The following CTNND2 variants were observed in gnomAD, a reference collection of about 807,000 sequenced individuals.
CTNND2 encodes catenin delta-2.
A neutral mutation model predicts 144.4 loss-of-function variants in CTNND2; 22 were observed. The observed-to-expected ratio is 0.15, with a 90% CI of 0.11 to 0.22. CTNND2 has a LOEUF of 0.22. Ranked by LOEUF, CTNND2 falls within the 10% of genes least tolerant of loss-of-function variation. CTNND2 has a pLI of 1.00. For synonymous variants in CTNND2, 751 were observed against 695.6 expected, an observed-to-expected ratio of 1.08 and a Z score of -1.25; for missense variants, 1,353 against 1,618.8, an observed-to-expected ratio of 0.84 and a Z score of 2.82.
chr5:11,003,408 C>G (rs572926076), intron 18 of CTNND2, among the ~76,000 whole-genome samples: 5 of 152,250 alleles, frequency 3.3e-5, no homozygotes, highest in African/African-American at 9.6e-5. Flanking sequence ...GTATCAGAAG[C>G]CTGATTGTTC....
intron 21 of CTNND2, among the ~76,000 whole-genome samples, chr5:10,977,694 C>G (rs1346117289): frequency 6.6e-6 from 1 of 152,228 alleles, no homozygotes; most frequent in African/African-American, 2.4e-5. Flanking sequence ...CTCAAGCGAT[C>G]TGCCTGCCTC....
At chr5:11,544,182 CT>C (rs35642044) in intron 3 of CTNND2, among the ~76,000 whole-genome samples, 5 of 145,866 alleles carry the variant, frequency 3.4e-5, no homozygotes, top group South Asian at 2.2e-4. Flanking sequence ...TTTTTTTTTT[CT>C]TTTTTTTTTG....
chr5:11,084,911 C>A (rs371280968), intron 15 of CTNND2, among the ~76,000 whole-genome samples: 1 of 151,932 alleles, frequency 6.6e-6, no homozygotes, highest in South Asian at 2.1e-4. Context: ...GACATTATAC[C>A]CCCTCTACCA....
At chr5:11,801,471 T>A (rs1031672555) in intron 1 of CTNND2, among the ~76,000 whole-genome samples, 1 of 152,212 alleles carries the variant, frequency 6.6e-6, no homozygotes, top group Non-Finnish European at 1.5e-5. Flanking sequence ...CAGAGATGTG[T>A]AAAGGCAACA....
At chr5:11,684,713 T>C (rs1016459064) in intron 2 of CTNND2, among the ~76,000 whole-genome samples, 13 of 152,212 alleles carry the variant, frequency 8.5e-5, no homozygotes, top group Non-Finnish European at 1.8e-4. Context: ...TTTACTATAG[T>C]ACTCTGTTAG....
At chr5:11,560,265 G>T (rs779362903) in intron 3 of CTNND2, among the ~76,000 whole-genome samples, 1 of 152,114 alleles carries the variant, frequency 6.6e-6, no homozygotes, top group Non-Finnish European at 1.5e-5. Context: ...TAAGAGTTAT[G>T]TGTCATTTAG....
rs187998496 is a variant in CTNND2 at position 11,296,422 on chromosome 5, C to T, written c.1628+49950G>A. Among the ~76,000 whole-genome samples the T allele has an allele frequency of 3.1e-3, 474 of 152,078 alleles. 1 individual carries two copies. Among genetic ancestry groups the T allele is most frequent in the African/African-American group, 9.4e-3 (392 of 41,502 alleles). ...AGTTCAACCATTGTGGAAGTCAGTG[C>T]GGCAATTCCTCAGTGATCTAGAACT... On this transcript the variant is annotated intron_variant, in intron 9 of 21. Transcript: ENST00000304623.
chr5:11,061,744 T>TTTAGACAAA (rs1747006626), intron 16 of CTNND2, among the ~76,000 whole-genome samples: 4 of 152,160 alleles, frequency 2.6e-5, no homozygotes, highest in Admixed American at 2.6e-4. Flanking sequence ...GTTTTGTTCT[T>TTTAGACAAA]GTCACCTAGG....
chr5:11,637,193 A>T (rs1051795588), intron 2 of CTNND2, among the ~76,000 whole-genome samples: 1 of 152,212 alleles, frequency 6.6e-6, no homozygotes, highest in Non-Finnish European at 1.5e-5. Context: ...GTCTATTTCT[A>T]AACGCCCACT....
chr5:11,125,866 G>A (rs1424670706), intron 12 of CTNND2, among the ~76,000 whole-genome samples: 2 of 152,160 alleles, frequency 1.3e-5, no homozygotes, highest in Non-Finnish European at 2.9e-5. Flanking sequence ...TTTTCCACTC[G>A]TATTAATGAA....
intron 3 of CTNND2, among the ~76,000 whole-genome samples, chr5:11,509,034 T>TA (rs1432592301): frequency 6.6e-6 from 1 of 152,216 alleles, no homozygotes; most frequent in Non-Finnish European, 1.5e-5. Context: ...GGGACTTTAA[T>TA]AAGATGTTAA....
intron 11 of CTNND2, among the ~76,000 whole-genome samples, chr5:11,186,725 T>C (rs1735667417): frequency 6.6e-6 from 1 of 152,216 alleles, no homozygotes; most frequent in Admixed American, 6.5e-5. Flanking sequence ...ATTCCCAAGC[T>C]ATTATCGTGA....
Position 11,065,771 on chromosome 5 carries a change from G to C in CTNND2, c.2788+16925C>G, listed in dbSNP as rs186862399. On this transcript the variant is annotated intron_variant, in intron 16 of 21. Coordinates refer to ENST00000304623, the MANE Select transcript of CTNND2 (RefSeq NM_001332.4). ...TGGCATAACATTATGTGACAAAGAA[G>C]AAAGTCAAAATATTTTACCCCAAAA... Among the ~76,000 whole-genome samples the C allele has an allele frequency of 1.1e-3, 167 of 152,266 alleles. 1 individual carries two copies. The highest frequency in any genetic ancestry group is 5.9e-4 in the Admixed American group (9 of 15,290).
intron 2 of CTNND2, among the ~76,000 whole-genome samples, chr5:11,590,581 C>T (rs1581574394): frequency 1.3e-5 from 2 of 151,998 alleles, no homozygotes; most frequent in East Asian, 3.9e-4. Flanking sequence ...TACGATACAT[C>T]CTCCCCGCCC....
At chr5:11,631,593 C>T (rs1781417900) in intron 2 of CTNND2, among the ~76,000 whole-genome samples, 1 of 152,166 alleles carries the variant, frequency 6.6e-6, no homozygotes, top group Non-Finnish European at 1.5e-5. Flanking sequence ...AAGTATAGAG[C>T]TACGCAGTGT....
At chr5:11,258,758 T>C (rs1355272381) in intron 9 of CTNND2, among the ~76,000 whole-genome samples, 2 of 152,180 alleles carry the variant, frequency 1.3e-5, no homozygotes, top group African/African-American at 4.8e-5. Flanking sequence ...TTTTAGGTCA[T>C]TATTAACAGA....
At chr5:11,333,918 A>C (rs2149720190) in intron 9 of CTNND2, among the ~76,000 whole-genome samples, 1 of 152,312 alleles carries the variant, frequency 6.6e-6, no homozygotes, top group South Asian at 2.1e-4. Flanking sequence ...TCGGGCGGGA[A>C]GACAGAAAGG....
intron 2 of CTNND2, among the ~76,000 whole-genome samples, chr5:11,717,347 G>T (rs1364517054): frequency 6.6e-6 from 1 of 151,772 alleles, no homozygotes; most frequent in African/African-American, 2.4e-5. Flanking sequence ...GCTGAGGCAG[G>T]TGGATCACCT....
intron 2 of CTNND2, among the ~76,000 whole-genome samples, chr5:11,659,721 G>C (rs751345038): frequency 6.6e-6 from 1 of 152,228 alleles, no homozygotes; most frequent in East Asian, 1.9e-4. Flanking sequence ...TTAGGGCCTC[G>C]TGTTTTAATG....
Sources: gnomAD v4.1 joint callset for allele counts (sites outside exome capture counted in the v4.1 genomes callset) on GRCh38, gnomAD v4.1.1 for gene constraint, MANE v1.5 for transcripts, NCBI Gene and HGNC (gene_info 2026-07-23, HGNC 2026-07-21) for gene names.